NDRG2: variants seen among roughly 807,000 people sequenced by gnomAD.
NDRG2 encodes the protein NDRG family member 2, also known as protein NDRG2.
A neutral mutation model predicts 58.2 loss-of-function variants in NDRG2; 34 were observed. That is an observed-to-expected ratio of 0.58 (90% CI 0.44 to 0.78). The LOEUF (loss-of-function observed/expected upper bound fraction) is 0.78, where lower values mean the gene tolerates loss of function less well. NDRG2 is among the 30% of genes least tolerant of loss of function. The pLI, the probability that NDRG2 is intolerant of heterozygous loss-of-function variation, is 0.00. For missense variants in NDRG2, 434 were observed against 471.2 expected (o/e 0.92, Z 0.73); for synonymous variants, 187 against 175.9 (o/e 1.06, Z -0.50).
intron 1 of NDRG2, among the ~76,000 whole-genome samples, chr14:21,054,631 T>C (rs1207475777): frequency 6.6e-6 from 1 of 152,232 alleles, no homozygotes; most frequent in Non-Finnish European, 1.5e-5. Context: ...AGGAAAGCAG[T>C]GTGGCAAGGA....
upstream of NDRG2, among the ~76,000 whole-genome samples, chr14:21,026,572 C>T (rs1015021955): frequency 6.6e-6 from 1 of 151,642 alleles, no homozygotes; most frequent in Non-Finnish European, 1.5e-5. Flanking sequence ...CCCTTTCATC[C>T]CCACTTGGCA....
Position 21,064,363 on chromosome 14 carries a change from G to A in NDRG2, c.24+6465C>T, listed in dbSNP as rs55756058. 2.8e-3 allele frequency among the ~76,000 whole-genome samples: 427 copies of A among 151,424 alleles called. 3 individuals carry two copies. The highest frequency in any genetic ancestry group is 4.7e-3 in the Non-Finnish European group (318 of 67,790). ...GTTGCCCAGGCTGCAGTGTAGTGGC[G>A]TGATCTTGGCTCACTGCAACCTCTG... On this transcript the variant is annotated intron_variant, in intron 1 of 14. Transcript: ENST00000403829.
Position 21,070,352 on chromosome 14 carries a change from C to A in NDRG2, c.24+476G>T. On this transcript the variant is annotated intron_variant, in intron 1 of 14. Coordinates refer to the NDRG2 transcript ENST00000403829. The surrounding 1 kb of genome is among the most constrained non-coding windows in gnomAD (Gnocchi z 4.7). ...GGGAGGGAGGCGGTGGCGCGCCCGG[C>A]CCCGCCCGCCCGACCAAGCGTCGGA... The A allele has an allele frequency of 7.1e-7, 1 of 1,405,122 alleles. No homozygotes were observed. 87.0% of individuals were successfully genotyped at this position (1,405,122 alleles called of 1,614,324 possible).
Position 21,017,467 on chromosome 14 carries a change from C to CA in NDRG2, c.*128dup, listed in dbSNP as rs955995222. ...CAAGGTTAGGGTAGCAATCAAAGATCAAGGTCATCTCCCCGCATGATCTGC... is the reference window on the plus strand; with the variant it reads ...CAAGGTTAGGGTAGCAATCAAAGATCAAAGGTCATCTCCCCGCATGATCTGC... On this transcript the variant is annotated 3_prime_UTR_variant, in exon 16 of 16. Coordinates refer to ENST00000556147, the MANE Select transcript of NDRG2 (RefSeq NM_001320329.2). 2 of 1,047,546 alleles carry CA rather than the reference C, an allele frequency of 1.9e-6. No homozygotes were observed. The highest frequency in any genetic ancestry group is 3.2e-5 in the African/African-American group (2 of 61,940). The allele number at this position is 1,047,546 out of a possible 1,614,324, so 64.9% of individuals were successfully genotyped here. A position where few individuals can be genotyped will look rare whatever the true frequency, so the allele number is the denominator to read the frequency against.
chr14:21,058,123 T>A (rs759075575), intron 1 of NDRG2: 2 of 1,614,186 alleles, frequency 1.2e-6, no homozygotes, highest in Non-Finnish European at 1.7e-6. Flanking sequence ...CCTTCTCCAG[T>A]GTGGCCATCA....
intron 2 of NDRG2, 146 bp from the exon 3 acceptor site, chr14:21,023,051 G>A: frequency 9.3e-7 from 1 of 1,073,826 alleles, no homozygotes; most frequent in South Asian, 1.4e-5. Flanking sequence ...GACACGGAAA[G>A]GATGAAGGTT....
chr14:21,053,393 C>T (rs974982699), intron 1 of NDRG2, among the ~76,000 whole-genome samples: 2 of 151,994 alleles, frequency 1.3e-5, no homozygotes, highest in Admixed American at 6.6e-5. Flanking sequence ...TTGGGGAGGC[C>T]GAGGCAGGTG....
chr14:21,060,661 C>T (rs1885908594), intron 1 of NDRG2, among the ~76,000 whole-genome samples: 2 of 152,184 alleles, frequency 1.3e-5, no homozygotes, highest in African/African-American at 2.4e-5. Context: ...TGTTACTAGC[C>T]CAGTCAGTGT....
chr14:21,043,412 G>A (rs1040121289), intron 1 of NDRG2: 2 of 1,611,484 alleles, frequency 1.2e-6, no homozygotes, highest in Non-Finnish European at 1.7e-6. Context: ...CCCAGAAAAA[G>A]GACTCTCAGC....
At chr14:21,045,889 A>G (rs1437051172) in intron 1 of NDRG2, among the ~76,000 whole-genome samples, 3 of 152,210 alleles carry the variant, frequency 2.0e-5, no homozygotes, top group Admixed American at 6.5e-5. Context: ...GGACCTGGAA[A>G]TATTCTATTC....
At chr14:21,058,738 A>G (rs988235318) in intron 1 of NDRG2, among the ~76,000 whole-genome samples, 1 of 152,208 alleles carries the variant, frequency 6.6e-6, no homozygotes, top group African/African-American at 2.4e-5. Context: ...GTCCAGGGAG[A>G]TCCCAGACAG....
intron 1 of NDRG2, chr14:21,033,259 A>G: frequency 3.1e-6 from 1 of 318,842 alleles, no homozygotes; most frequent in Non-Finnish European, 6.0e-6. Context: ...CCATGATTTC[A>G]CAGAGAGAAG....
chr14:21,018,687 T>C, intron 12 of NDRG2, 76 bp downstream of exon 12: 1 of 1,605,314 alleles, frequency 6.2e-7, no homozygotes, highest in East Asian at 2.2e-5. Flanking sequence ...GACATCCCCT[T>C]GGCAAGATAC....
intron 1 of NDRG2, among the ~76,000 whole-genome samples, chr14:21,037,297 A>G (rs566844597): frequency 6.6e-6 from 1 of 152,376 alleles, no homozygotes; most frequent in South Asian, 2.1e-4. Flanking sequence ...GCATAAGATT[A>G]CTTCATCCAT....
Position 21,023,063 on chromosome 14 carries a change from G to C in NDRG2, c.76-158C>G. On this transcript the variant is annotated intron_variant, in intron 2 of 15. Coordinates refer to ENST00000556147, the MANE Select transcript of NDRG2 (RefSeq NM_001320329.2). ...AGAGACACGGAAAGGATGAAGGTTA[G>C]TGTAGTGACGAGACAAGGGCCTGAC... 4.0e-6 allele frequency: 4 copies of C among 998,370 alleles called. No homozygotes were observed. The South Asian group carries it at 5.8e-5, about 14-fold the overall frequency. 61.8% of individuals were successfully genotyped at this position (998,370 alleles called of 1,614,324 possible).
chr14:21,023,344 C>A, intron 1 of NDRG2, 23 bp from the exon 2 acceptor site: 3 of 1,602,928 alleles, frequency 1.9e-6, no homozygotes, highest in Non-Finnish European at 2.6e-6. Flanking sequence ...GGAAATGAGA[C>A]TGGGAAGTTG....
chr14:21,026,942 C>A (rs969031108), upstream of NDRG2, among the ~76,000 whole-genome samples: 1 of 146,278 alleles, frequency 6.8e-6, no homozygotes, highest in African/African-American at 2.8e-5. Flanking sequence ...AGAGGGAGAG[C>A]CTCGAGTGAG....
intron 1 of NDRG2, among the ~76,000 whole-genome samples, chr14:21,041,103 C>G (rs536861820): frequency 1.3e-5 from 2 of 152,096 alleles, no homozygotes; most frequent in Non-Finnish European, 2.9e-5. Context: ...AAGCAATCCT[C>G]CCTCCTCAGC....
chr14:21,033,884 G>A (rs1884426066), intron 1 of NDRG2: 1 of 1,614,154 alleles, frequency 6.2e-7, no homozygotes. Flanking sequence ...AGCAGAGTAG[G>A]TAGAGCTTCT....
Sources: gnomAD v4.1 joint callset for allele counts (sites outside exome capture counted in the v4.1 genomes callset) on GRCh38, gnomAD v4.1.1 for gene constraint, Gnocchi (gnomAD v3.1) non-coding constraint, MANE v1.5 for transcripts, NCBI Gene and HGNC (gene_info 2026-07-23, HGNC 2026-07-21) for gene names.